The following RNF157 variants were observed in gnomAD, a reference collection of about 807,000 sequenced individuals.
RNF157 encodes ring finger protein 157, also known as E3 ubiquitin ligase RNF157.
A neutral mutation model predicts 88.3 loss-of-function variants in RNF157; 55 were observed. The observed-to-expected ratio is 0.62, with a 90% CI of 0.50 to 0.78. The LOEUF is 0.78. Ranked by LOEUF, RNF157 falls within the 30% of genes least tolerant of loss-of-function variation. The pLI is 0.00. For synonymous variants in RNF157, 334 were observed against 341.2 expected (o/e 0.98, Z 0.23); for missense variants, 788 against 860.8 (o/e 0.92, Z 1.06).
intron 8 of RNF157, chr17:76,163,612 T>G (rs1278046022): frequency 6.6e-6 from 1 of 152,302 alleles, no homozygotes; most frequent in East Asian, 1.9e-4. Flanking sequence ...CTCTTCTGCC[T>G]CACCTCTGTT....
At chr17:76,226,459 C>T (rs940666350) in intron 1 of RNF157, 2 of 1,604,128 alleles carry the variant, frequency 1.2e-6, no homozygotes, top group African/African-American at 1.3e-5. Context: ...AAGTGTCATC[C>T]AACGTGGTCA....
At chr17:76,230,853 AAAAAAAGAGAG>A (rs2070175024) in intron 1 of RNF157, among the ~76,000 whole-genome samples, 1 of 111,846 alleles carries the variant, frequency 8.9e-6, no homozygotes, top group Non-Finnish European at 1.9e-5. Context: ...AAAAAAAAAA[AAAAAAAGAGAG>A]AGAGAGAGAG....
intron 2 of RNF157, among the ~76,000 whole-genome samples, chr17:76,179,398 G>GA (rs977562657): frequency 4.0e-5 from 6 of 148,986 alleles, no homozygotes; most frequent in South Asian, 2.1e-4. Flanking sequence ...TCCCAAAAAG[G>GA]AAAAAAAAAG....
Position 76,157,028 on chromosome 17 carries a change from G to A in RNF157, c.1414-707C>T, listed in dbSNP as rs1475937617. On this transcript the variant is annotated intron_variant, in intron 13 of 18. Transcript: ENST00000269391. This position sits in a 1 kb window ranked among gnomAD's most constrained non-coding sequence, Gnocchi z 5.6. ...CCAGCCCAGGCTGGAGTGCAGTGGTGCGGTCTTGGCTCACTGCAACCCCTG... is the reference window on the plus strand; with the variant it reads ...CCAGCCCAGGCTGGAGTGCAGTGGTACGGTCTTGGCTCACTGCAACCCCTG... 1.1e-4 allele frequency among the ~76,000 whole-genome samples: 17 copies of A among 151,296 alleles called. No individual in the cohort carries two copies. Among genetic ancestry groups the A allele is most frequent in the African/African-American group, 4.1e-4 (17 of 41,096 alleles).
At chr17:76,150,061 A>T (rs2068651288) in intron 18 of RNF157, among the ~76,000 whole-genome samples, 1 of 152,054 alleles carries the variant, frequency 6.6e-6, no homozygotes, top group Non-Finnish European at 1.5e-5. Context: ...AAACAAAAAA[A>T]CTCAAATCCT....
chr17:76,223,776 C>G (rs978776950), intron 1 of RNF157, among the ~76,000 whole-genome samples: 4 of 152,012 alleles, frequency 2.6e-5, no homozygotes, highest in Non-Finnish European at 5.9e-5. Context: ...AAACAAAAAA[C>G]CAAACAGACT....
At chr17:76,213,407 T>C (rs948593554) in intron 1 of RNF157, among the ~76,000 whole-genome samples, 1 of 151,796 alleles carries the variant, frequency 6.6e-6, no homozygotes, top group East Asian at 1.9e-4. Context: ...CCATCTCTAC[T>C]AAAAATACAA....
chr17:76,193,216 C>T (rs1035869339), intron 2 of RNF157, among the ~76,000 whole-genome samples: 1 of 152,170 alleles, frequency 6.6e-6, no homozygotes. Flanking sequence ...TTCTGTCTAT[C>T]TCATAGGGTC....
chr17:76,156,352 T>G (rs1054380082), intron 13 of RNF157, 31 bp from the exon 14 acceptor site: 1 of 1,613,436 alleles, frequency 6.2e-7, no homozygotes, highest in Non-Finnish European at 8.5e-7. Flanking sequence ...CAACAGGACA[T>G]GGAGCAAGCG....
chr17:76,226,969 G>A (rs1434175912), intron 1 of RNF157, among the ~76,000 whole-genome samples: 3 of 152,236 alleles, frequency 2.0e-5, no homozygotes, highest in Non-Finnish European at 4.4e-5. Context: ...AAAGGCCAAT[G>A]CTGCCGCAGG....
intron 2 of RNF157, among the ~76,000 whole-genome samples, chr17:76,203,179 C>T (rs1387546191): frequency 1.3e-5 from 2 of 151,914 alleles, no homozygotes; most frequent in Admixed American, 6.6e-5. Flanking sequence ...TTAGTAGAGA[C>T]AGGGTTTCGC....
At chr17:76,169,702 C>T (rs910690134) in intron 3 of RNF157, among the ~76,000 whole-genome samples, 1 of 151,724 alleles carries the variant, frequency 6.6e-6, no homozygotes, top group Non-Finnish European at 1.5e-5. Flanking sequence ...GTCTCAGCCT[C>T]CCAAGTAGCT....
intron 1 of RNF157, among the ~76,000 whole-genome samples, chr17:76,223,210 C>T (rs569382511): frequency 2.4e-5 from 3 of 123,802 alleles, no homozygotes; most frequent in Non-Finnish European, 3.3e-5. Flanking sequence ...TTTTTTGAGA[C>T]GTAGTCTCAC....
At position 76,212,391 on chromosome 17, in the gene RNF157, C is replaced by T; in HGVS notation, c.180G>A (p.Leu60=). 1 of 1,613,536 alleles carries T rather than the reference C, an allele frequency of 6.2e-7. No individual in the cohort carries two copies. ...EGYLFGENSD[L]NFLGNRPVVF... ...CAACTGGTCTGTTCCCCAGAAAGTTCAGATCGCTGTTCTCTCCAAACAGGT... is the reference window on the plus strand; with the variant it reads ...CAACTGGTCTGTTCCCCAGAAAGTTTAGATCGCTGTTCTCTCCAAACAGGT... The change falls in exon 2 of 19, where the codon CTG becomes CTA. Residue 60 remains leucine, a synonymous_variant. Coordinates refer to ENST00000269391, the MANE Select transcript of RNF157 (RefSeq NM_052916.3).
chr17:76,216,070 A>G (rs1262493266), intron 1 of RNF157, among the ~76,000 whole-genome samples: 1 of 152,246 alleles, frequency 6.6e-6, no homozygotes, highest in African/African-American at 2.4e-5. Flanking sequence ...CAGGAATTAT[A>G]CATTTATCAT....
intron 2 of RNF157, among the ~76,000 whole-genome samples, chr17:76,203,235 C>A (rs1218155432): frequency 5.9e-5 from 9 of 152,094 alleles, no homozygotes; most frequent in Admixed American, 5.9e-4. Flanking sequence ...AAGCAATCCA[C>A]CCACCTCAGT....
chr17:76,166,527 G>A lies in RNF157; in HGVS notation c.562C>T (p.Leu188Phe). 6.2e-7 allele frequency: 1 copy of A among 1,613,494 alleles called. No homozygotes were observed. The highest frequency in any genetic ancestry group is 8.5e-7 in the Non-Finnish European group (1 of 1,179,566). ...ACTTCTCGGTCTAAATCAAAGCCAA[G>A]CTGAAGGGAAAGAAAAGGAAAGGAA... ...VDPSEWAEEELGFDLDREVYP... is the reference protein window; with the variant it reads ...VDPSEWAEEEFGFDLDREVYP... Residue 188 changes from leucine to phenylalanine, a missense_variant and splice_region_variant, in exon 6 of 19, where the codon CTT (leucine) becomes TTT (phenylalanine). Physicochemically the swap from Leu to Phe is conservative, Grantham distance 22. Transcript: ENST00000269391.
intron 1 of RNF157, chr17:76,226,101 G>T: frequency 6.2e-7 from 1 of 1,601,956 alleles, no homozygotes; most frequent in East Asian, 2.2e-5. Flanking sequence ...CTGGTAGAGG[G>T]GCTATGCTGA....
At chr17:76,206,876 A>T (rs1285084142) in intron 2 of RNF157, among the ~76,000 whole-genome samples, 1 of 152,236 alleles carries the variant, frequency 6.6e-6, no homozygotes, top group East Asian at 1.9e-4. Flanking sequence ...ACATTGCTGC[A>T]TGCTGCTTTT....
Sources: gnomAD v4.1 joint callset for allele counts (sites outside exome capture counted in the v4.1 genomes callset) on GRCh38, gnomAD v4.1.1 for gene constraint, Gnocchi (gnomAD v3.1) non-coding constraint, MANE v1.5 for transcripts, NCBI Gene and HGNC (gene_info 2026-07-23, HGNC 2026-07-21) for gene names.